Variants in CORIN observed in about 807,000 individuals in gnomAD.
CORIN encodes the protein corin, serine peptidase.
A neutral mutation model predicts 125.3 loss-of-function variants in CORIN; 117 were observed. That is an observed-to-expected ratio of 0.93 (90% CI 0.80 to 1.09). CORIN has a LOEUF of 1.09. Among genes scored for constraint, CORIN ranks in the 50% least tolerant of loss-of-function variants. The pLI, the probability that CORIN is intolerant of heterozygous loss-of-function variation, is 0.00. For synonymous variants in CORIN, 450 were observed against 466.4 expected, an observed-to-expected ratio of 0.96 and a Z score of 0.45; for missense variants, 1,253 against 1,306.7, an observed-to-expected ratio of 0.96 and a Z score of 0.63.
chr4:47,641,839 T>C (rs1723241222), intron 16 of CORIN, 81 bp downstream of exon 16: 2 of 1,516,776 alleles, frequency 1.3e-6, no homozygotes. Context: ...TAACTCTCTG[T>C]GCATCCTAAG....
Position 47,645,169 on chromosome 4 carries a change from T to C in CORIN, c.1869A>G (p.Glu623=), listed in dbSNP as rs577697263. Residue 623 remains glutamate, a synonymous_variant, in exon 14 of 22, where the codon GAA becomes GAG. Coordinates refer to ENST00000273857, the MANE Select transcript of CORIN (RefSeq NM_006587.4). ...TCAAACATTGTTTATTGGATGGACATTCCCAAAGATCTCTCTCTTTACAAC... is the reference window on the plus strand; with the variant it reads ...TCAAACATTGTTTATTGGATGGACACTCCCAAAGATCTCTCTCTTTACAAC... The part of the protein sequence containing the change: ...NCGCKERDLW[E]CPSNKQCLKH... 5.6e-6 allele frequency: 9 copies of C among 1,608,996 alleles called. No individual in the cohort carries two copies. The Admixed American group carries it at 6.7e-5, about 12-fold the overall frequency.
Position 47,680,249 on chromosome 4 carries a change from A to T in CORIN, c.1024T>A (p.Cys342Ser). 6.2e-7 allele frequency: 1 copy of T among 1,611,972 alleles called. No individual in the cohort carries two copies. The highest frequency in any genetic ancestry group is 8.5e-7 in the Non-Finnish European group (1 of 1,178,292). ...CAGCGATGCTCTGTTGTGGGATTGC[A>T]ATCTGGAGAAATGAAAACTCACGAG... ...GDLSDEQNCD[C>S]NPTTEHRCGD... Residue 342 changes from cysteine to serine, a missense_variant and splice_region_variant, in exon 8 of 22, where the codon TGC (cysteine) becomes AGC (serine). Transcript: ENST00000273857.
intron 4 of CORIN, among the ~76,000 whole-genome samples, chr4:47,753,412 C>T (rs1030883053): frequency 2.0e-5 from 3 of 152,126 alleles, no homozygotes; most frequent in African/African-American, 4.8e-5. Context: ...ACTAGTCTGA[C>T]CTCAACTTTA....
chr4:47,611,774 C>T (rs529281092), intron 19 of CORIN, among the ~76,000 whole-genome samples: 1 of 152,118 alleles, frequency 6.6e-6, no homozygotes, highest in African/African-American at 2.4e-5. Context: ...TCCTTCAATA[C>T]CTAGTTTATT....
At chr4:47,613,414 T>C (rs1721944337) in intron 19 of CORIN, among the ~76,000 whole-genome samples, 1 of 152,058 alleles carries the variant, frequency 6.6e-6, no homozygotes, top group Non-Finnish European at 1.5e-5. Flanking sequence ...GACCGTGCCA[T>C]TGCACTCCAG....
At chr4:47,729,854 G>C (rs1223339011) in intron 5 of CORIN, among the ~76,000 whole-genome samples, 1 of 152,172 alleles carries the variant, frequency 6.6e-6, no homozygotes, top group Non-Finnish European at 1.5e-5. Context: ...TAACTTGGCA[G>C]AGAAAGAGAG....
chr4:47,780,465 G>T (rs187389572), intron 3 of CORIN, among the ~76,000 whole-genome samples: 2 of 152,050 alleles, frequency 1.3e-5, no homozygotes, highest in Admixed American at 6.5e-5. Flanking sequence ...TGAAAAAGAA[G>T]AAATCAGAGT....
chr4:47,664,735 TA>T (rs901196567), intron 11 of CORIN, among the ~76,000 whole-genome samples: 2 of 152,224 alleles, frequency 1.3e-5, no homozygotes, highest in South Asian at 2.1e-4. Flanking sequence ...CATACTTTTT[TA>T]AAAAAATGGC....
At chr4:47,680,349 T>C in intron 7 of CORIN, 98 bp from the exon 8 acceptor site, 1 of 773,952 alleles carries the variant, frequency 1.3e-6, no homozygotes. Context: ...TCTGTTCCAA[T>C]GGCTCCAATA....
In CORIN at chr4:47,643,233, C is replaced by T. The variant is rs1723311389; in HGVS notation, c.1981G>A (p.Glu661Lys). The change falls in exon 15 of 22, where the codon GAA becomes AAA. Residue 661 changes from glutamate (E) to lysine (K), a missense_variant. By Grantham distance (56) the Glu-to-Lys change is moderately conservative. Coordinates refer to ENST00000273857, the MANE Select transcript of CORIN (RefSeq NM_006587.4). ...GACACACACGCATGGTTTGCACATTCCAGCTCATCATCTTGGCAAAATGCT... is the reference window on the plus strand; with the variant it reads ...GACACACACGCATGGTTTGCACATTTCAGCTCATCATCTTGGCAAAATGCT... ...NCSFCQDDEL[E>K]CANHACVSRD... 5 of 1,601,112 alleles carry T rather than the reference C, an allele frequency of 3.1e-6. No individual in the cohort carries two copies. The highest frequency in any genetic ancestry group is 4.3e-6 in the Non-Finnish European group (5 of 1,173,522).
intron 3 of CORIN, among the ~76,000 whole-genome samples, chr4:47,771,774 C>T (rs1730043922): frequency 6.6e-6 from 1 of 152,098 alleles, no homozygotes; most frequent in Admixed American, 6.6e-5. Flanking sequence ...AAGAGAAAAT[C>T]AGGAAACAAA....
rs140936661 is a variant in CORIN, at chr4:47,631,833, G to GTGC, written c.2199-5315_2199-5313dup. On this transcript the variant is annotated intron_variant, in intron 16 of 21. Transcript: ENST00000273857. ...CCCCTCTGCTCTGGGCCTGAAGGCA[G>GTGC]TGCTATACAGAGAAGCAAAAGGATT... Among the ~76,000 whole-genome samples the GTGC allele has an allele frequency of 6.1e-3, 933 of 152,262 alleles. 14 individuals are homozygous for GTGC. Among genetic ancestry groups the GTGC allele is most frequent in the African/African-American group, 0.021 (877 of 41,534 alleles).
intron 13 of CORIN, among the ~76,000 whole-genome samples, chr4:47,651,184 T>A (rs1723716889): frequency 6.6e-6 from 1 of 152,254 alleles, no homozygotes; most frequent in Non-Finnish European, 1.5e-5. Flanking sequence ...GGAAACTCAA[T>A]AACCTTGTTA....
intron 2 of CORIN, among the ~76,000 whole-genome samples, chr4:47,798,501 AT>A (rs1731393315): frequency 6.6e-6 from 1 of 152,246 alleles, no homozygotes; most frequent in Non-Finnish European, 1.5e-5. Flanking sequence ...CAAACAGAGC[AT>A]TTTTTAAAGT....
intron 2 of CORIN, among the ~76,000 whole-genome samples, chr4:47,792,672 C>T (rs1731131858): frequency 6.6e-6 from 1 of 152,154 alleles, no homozygotes; most frequent in Non-Finnish European, 1.5e-5. Flanking sequence ...CTGAGCATTG[C>T]ATTCTCTGGC....
At chr4:47,792,962 C>G (rs375015696) in intron 2 of CORIN, among the ~76,000 whole-genome samples, 1 of 152,150 alleles carries the variant, frequency 6.6e-6, no homozygotes. Flanking sequence ...TGTTACATGA[C>G]AGAGTCTAGC....
intron 5 of CORIN, among the ~76,000 whole-genome samples, chr4:47,733,527 G>A (rs942152669): frequency 2.6e-5 from 4 of 152,108 alleles, no homozygotes; most frequent in African/African-American, 9.7e-5. Flanking sequence ...AAAGGAAGAG[G>A]AAAATGAATG....
intron 5 of CORIN, among the ~76,000 whole-genome samples, chr4:47,734,245 CATA>C (rs1728018880): frequency 6.6e-6 from 1 of 152,096 alleles, no homozygotes; most frequent in South Asian, 2.1e-4. Flanking sequence ...GAATGGGGTA[CATA>C]ATGTAAAGGG....
At chr4:47,634,861 A>T (rs1204576584) in intron 16 of CORIN, among the ~76,000 whole-genome samples, 1 of 152,172 alleles carries the variant, frequency 6.6e-6, no homozygotes, top group Non-Finnish European at 1.5e-5. Flanking sequence ...AGTGAAGTAA[A>T]TATCGAGAAG....
Sources: allele counts gnomAD v4.1 joint callset (sites outside exome capture counted in the v4.1 genomes callset), GRCh38; gene constraint gnomAD v4.1.1; transcripts MANE v1.5; gene names NCBI Gene and HGNC (gene_info 2026-07-23, HGNC 2026-07-21).